The following RBFOX3 variants were observed in gnomAD, a reference collection of about 807,000 sequenced individuals.
RBFOX3 encodes RNA binding protein fox-1 homolog 3.
Under a neutral mutation model 48.7 loss-of-function variants are expected in RBFOX3, and 17 were observed. The ratio of observed to expected loss-of-function variants is 0.35; its 90% CI spans 0.24 to 0.52. The LOEUF (loss-of-function observed/expected upper bound fraction) is 0.52. Ranked by LOEUF, RBFOX3 falls within the 20% of genes least tolerant of loss-of-function variation. The probability of loss-of-function intolerance (pLI) is 0.94; values close to 1 mark genes in which losing one functional copy is unlikely to be tolerated. For synonymous variants in RBFOX3, 212 were observed against 209.5 expected (o/e 1.01, Z -0.10); for missense variants, 382 against 497.5 (o/e 0.77, Z 2.21).
At chr17:79,642,790 G>C in the RBFOX3 span, among the ~76,000 whole-genome samples, 3 of 152,158 alleles carry the variant, frequency 2.0e-5, no homozygotes. Flanking sequence ...GAAAATGATA[G>C]ATCAATTCTA....
the RBFOX3 span, among the ~76,000 whole-genome samples, chr17:79,646,109 C>G: frequency 2.6e-5 from 4 of 152,160 alleles, no homozygotes; most frequent in African/African-American, 9.7e-5. Flanking sequence ...CCCCCAACCC[C>G]CAGCCACTCC....
chr17:79,431,199 G>T (rs1036441646), intron 2 of RBFOX3, among the ~76,000 whole-genome samples: 2 of 152,178 alleles, frequency 1.3e-5, no homozygotes, highest in Non-Finnish European at 2.9e-5. Context: ...TAAACACGCG[G>T]TCTGTTCTCA....
chr17:79,491,035 AGG>A, intron 1 of RBFOX3, among the ~76,000 whole-genome samples: 1 of 83,994 alleles, frequency 1.2e-5, no homozygotes, highest in Non-Finnish European at 2.4e-5. Flanking sequence ...CGGAGAGGAG[AGG>A]GGAGGGGAGG....
intron 2 of RBFOX3, among the ~76,000 whole-genome samples, chr17:79,382,994 T>C (rs2060109951): frequency 1.3e-5 from 2 of 151,098 alleles, no homozygotes; most frequent in African/African-American, 4.9e-5. Context: ...TGGGGCTGTG[T>C]GGGCACATTT....
intron 2 of RBFOX3, among the ~76,000 whole-genome samples, chr17:79,448,240 G>C (rs1300771311): frequency 2.0e-5 from 3 of 152,160 alleles, no homozygotes; most frequent in Non-Finnish European, 4.4e-5. Context: ...GGAAAACTGG[G>C]CAGAAGACTC....
At chr17:79,450,124 GCCATGTGTGT>G (rs1473511915) in intron 2 of RBFOX3, among the ~76,000 whole-genome samples, 9 of 152,162 alleles carry the variant, frequency 5.9e-5, no homozygotes, top group African/African-American at 1.7e-4. Context: ...TGAAACAGAA[GCCATGTGTGT>G]GCAGAAACTC....
At chr17:79,231,842 G>A (rs1011047500) in intron 4 of RBFOX3, among the ~76,000 whole-genome samples, 1 of 152,182 alleles carries the variant, frequency 6.6e-6, no homozygotes, top group Non-Finnish European at 1.5e-5. Flanking sequence ...GCCCAGTATT[G>A]TTAAGATGTC....
intron 2 of RBFOX3, among the ~76,000 whole-genome samples, chr17:79,374,645 G>A (rs930068152): frequency 2.6e-5 from 4 of 152,248 alleles, no homozygotes; most frequent in Non-Finnish European, 5.9e-5. Context: ...GTACACGCTT[G>A]AGGCTCCGTT....
chr17:79,488,806 C>T (rs1490417573), intron 1 of RBFOX3, among the ~76,000 whole-genome samples: 4 of 152,210 alleles, frequency 2.6e-5, no homozygotes, highest in African/African-American at 9.7e-5. Flanking sequence ...CACTAAATCA[C>T]AGCTGCGCTT....
rs1202754458 is a variant in RBFOX3 at position 79,535,010 on chromosome 17, G to C, written c.-319-52412C>G. Among the ~76,000 whole-genome samples, 1 of 152,178 alleles carries C rather than the reference G, an allele frequency of 6.6e-6. No homozygotes were observed. The highest frequency in any genetic ancestry group is 1.5e-5 in the Non-Finnish European group (1 of 68,036). On this transcript the variant is annotated intron_variant, in intron 1 of 14. Transcript: ENST00000693108. This position sits in a 1 kb window ranked among gnomAD's most constrained non-coding sequence, Gnocchi z 4.5. ...GCCCAGAGGGATCCCAGCTGAATCG[G>C]TTAGGATGCTTTCAGCTGCACCCAA...
intron 4 of RBFOX3, among the ~76,000 whole-genome samples, chr17:79,171,482 G>A (rs1291648120): frequency 6.6e-6 from 1 of 152,122 alleles, no homozygotes; most frequent in Non-Finnish European, 1.5e-5. Flanking sequence ...CAGACAACAC[G>A]TAAACAAATG....
At chr17:79,190,432 C>CA (rs58432390) in intron 4 of RBFOX3, among the ~76,000 whole-genome samples, 10 of 114,736 alleles carry the variant, frequency 8.7e-5, no homozygotes, top group African/African-American at 2.5e-4. Flanking sequence ...AAAAAAAAAA[C>CA]AAAAAAACAG....
At chr17:79,352,642 G>A (rs2084181284) in intron 2 of RBFOX3, among the ~76,000 whole-genome samples, 2 of 152,202 alleles carry the variant, frequency 1.3e-5, no homozygotes, top group African/African-American at 4.8e-5. Context: ...TGATGTCAGA[G>A]TCCACTCTGG....
At chr17:79,545,653 T>C (rs1555791674) in intron 1 of RBFOX3, among the ~76,000 whole-genome samples, 1 of 152,234 alleles carries the variant, frequency 6.6e-6, no homozygotes, top group African/African-American at 2.4e-5. Flanking sequence ...GAGGCCTTAC[T>C]TCTTTCCCCA....
intron 2 of RBFOX3, among the ~76,000 whole-genome samples, chr17:79,448,194 G>C (rs2072735087): frequency 2.0e-5 from 3 of 152,172 alleles, no homozygotes; most frequent in South Asian, 4.1e-4. Flanking sequence ...AATGGTTCAG[G>C]AGCCCCCAGA....
chr17:79,348,083 T>C (rs2083203911), intron 2 of RBFOX3, among the ~76,000 whole-genome samples: 1 of 152,156 alleles, frequency 6.6e-6, no homozygotes, highest in Non-Finnish European at 1.5e-5. Context: ...GAGCTTCACC[T>C]TCCCCCTCCT....
At chr17:79,415,515 T>A (rs1008235077) in intron 2 of RBFOX3, among the ~76,000 whole-genome samples, 1 of 152,166 alleles carries the variant, frequency 6.6e-6, no homozygotes, top group African/African-American at 2.4e-5. Context: ...CAGACGCAGA[T>A]GGAGGAGAGA....
chr17:79,286,816 G>A (rs556235852), intron 3 of RBFOX3, among the ~76,000 whole-genome samples: 12 of 151,864 alleles, frequency 7.9e-5, no homozygotes, highest in African/African-American at 2.9e-4. Flanking sequence ...GAGGGAAGAC[G>A]GAGGTGCCCA....
chr17:79,108,928 C>A (rs2005107), intron 5 of RBFOX3, among the ~76,000 whole-genome samples: 92 of 152,358 alleles, frequency 6.0e-4, no homozygotes, highest in African/African-American at 2.2e-3. Context: ...CACGTGTCCA[C>A]GTTCCTGATG....
Sources: gnomAD v4.1 joint callset for allele counts (sites outside exome capture counted in the v4.1 genomes callset) on GRCh38, gnomAD v4.1.1 for gene constraint, Gnocchi (gnomAD v3.1) non-coding constraint, MANE v1.5 for transcripts, NCBI Gene and HGNC (gene_info 2026-07-23, HGNC 2026-07-21) for gene names.